Variants in PCDHB11 observed in about 807,000 individuals in gnomAD.
PCDHB11 encodes protocadherin beta 11, also known as protocadherin beta-11.
For synonymous variants in PCDHB11, 522 were observed against 442.0 expected, an observed-to-expected ratio of 1.18 and a Z score of -2.27; for missense variants, 1,151 against 1,003.4, an observed-to-expected ratio of 1.15 and a Z score of -1.99.
At position 141,200,033 on chromosome 5, in the gene PCDHB11, A is replaced by T. The variant is rs782560260; in HGVS notation, c.259A>T (p.Ser87Cys). 1.7e-5 allele frequency: 27 copies of T among 1,614,066 alleles called. 1 individual carries two copies. In the Admixed American group the frequency reaches 4.3e-4, roughly 26 times the overall value. Residue 87 changes from serine (S) to cysteine (C), a missense_variant, in exon 1 of 1, where the codon AGT (serine) becomes TGT (cysteine). Physicochemically the swap from Ser to Cys is moderately radical, Grantham distance 112 (BLOSUM62 -1). Transcript: ENST00000354757. ...CATAAACACTGGGGATTTGCTCTTA[A>T]GTGAAACACTAGACAGGGAGGAGCT... Reference protein sequence around the residue: ...LDINTGDLLLSETLDREELCG... With the variant: ...LDINTGDLLLCETLDREELCG...
At position 141,202,272 on chromosome 5, in the gene PCDHB11, G is replaced by C. The variant is rs1269104596; in HGVS notation, c.*104G>C. ...ACGTTATTATGCAATACGACTAATT[G>C]TATTTTTAATTTTTTCTTTTCTCCC... On this transcript the variant is annotated 3_prime_UTR_variant, in exon 1 of 1. Transcript: ENST00000354757. 9.8e-7 allele frequency: 1 copy of C among 1,016,692 alleles called. No homozygotes were observed. Among genetic ancestry groups the C allele is most frequent in the African/African-American group, 1.7e-5 (1 of 59,694 alleles). 63.0% of individuals were successfully genotyped at this position (1,016,692 alleles called of 1,614,324 possible).
Position 141,199,675 on chromosome 5 carries a change from AG to A in PCDHB11, c.-97del, listed in dbSNP as rs1754114808. ...GAGGGTGACCTGGAAACCATTCAACAGGGTTAAAATCCTTAGACCACAGAGG... is the reference window on the plus strand; with the variant it reads ...GAGGGTGACCTGGAAACCATTCAACAGGTTAAAATCCTTAGACCACAGAGG... On this transcript the variant is annotated 5_prime_UTR_variant, in exon 1 of 1. Coordinates refer to ENST00000354757, the MANE Select transcript of PCDHB11 (RefSeq NM_018931.3). 3 of 1,039,140 alleles carry A rather than the reference AG, an allele frequency of 2.9e-6. No homozygotes were observed. The African/African-American group carries it at 4.8e-5, about 17-fold the overall frequency. The allele number at this position is 1,039,140 out of a possible 1,614,324, so 64.4% of individuals were successfully genotyped here. A position where few individuals can be genotyped will look rare whatever the true frequency, so the allele number is the denominator to read the frequency against.
In PCDHB11 at chr5:141,200,393, G is replaced by A. The variant is rs1361541083; in HGVS notation, c.619G>A (p.Glu207Lys). The A allele has an allele frequency of 3.1e-6, 5 of 1,614,028 alleles. No individual in the cohort carries two copies. The Admixed American group carries it at 6.7e-5, about 22-fold the overall frequency. Residue 207 changes from glutamate (E) to lysine (K), a missense_variant, in exon 1 of 1, where the codon GAG (glutamate) becomes AAG (lysine). Coordinates refer to ENST00000354757, the MANE Select transcript of PCDHB11 (RefSeq NM_018931.3). Reference protein sequence around the residue: ...DKALDYEELPELSFILSALDG... With the variant: ...DKALDYEELPKLSFILSALDG... ...GGCGCTGGATTATGAAGAGCTCCCGGAGCTCAGTTTCATCCTCTCTGCTCT... is the reference window on the plus strand; with the variant it reads ...GGCGCTGGATTATGAAGAGCTCCCGAAGCTCAGTTTCATCCTCTCTGCTCT...
rs530884861 is a variant in PCDHB11 at position 141,201,286 on chromosome 5, C to T, written c.1512C>T (p.Val504=). 14 of 1,613,620 alleles carry T rather than the reference C, an allele frequency of 8.7e-6. No homozygotes were observed. The South Asian group carries it at 1.5e-4, about 18-fold the overall frequency. The change falls in exon 1 of 1, where the codon GTC becomes GTT. Residue 504 remains valine, a synonymous_variant. Transcript: ENST00000354757. ...QDLHLPLASL[V]SINTDNGHLF... ...TGCACCTGCCCCTCGCCTCCCTGGT[C>T]TCCATCAACACAGACAACGGCCACC...
Position 141,202,160 on chromosome 5 carries a change from A to C in PCDHB11, c.2386A>C (p.Asn796His), listed in dbSNP as rs114969000. 6.3e-7 allele frequency: 1 copy of C among 1,598,144 alleles called. No individual in the cohort carries two copies. The highest frequency in any genetic ancestry group is 2.2e-5 in the East Asian group (1 of 44,668). ...NSTFRNSFGF[N>H]F ...CACCTTTCGAAATAGCTTTGGATTT[A>C]ATTTTTAGTAAGAATGCTATTTACA... Residue 796 changes from asparagine to histidine, a missense_variant, in exon 1 of 1, where the codon AAT becomes CAT. By Grantham distance (68) the Asn-to-His change is moderately conservative. Coordinates refer to ENST00000354757, the MANE Select transcript of PCDHB11 (RefSeq NM_018931.3).
Position 141,201,176 on chromosome 5 carries a change from C to T in PCDHB11, c.1402C>T (p.Leu468=), listed in dbSNP as rs782326496. 6.2e-7 allele frequency: 1 copy of T among 1,613,600 alleles called. No individual in the cohort carries two copies. The highest frequency in any genetic ancestry group is 1.3e-5 in the African/African-American group (1 of 75,046). Residue 468 remains leucine (L), a synonymous_variant, in exon 1 of 1, where the codon CTG becomes TTG. Coordinates refer to ENST00000354757, the MANE Select transcript of PCDHB11 (RefSeq NM_018931.3). ...CGTCCGCGAGAACAACAGCCCCGCC[C>T]TGCACATCGGCAGTGTCAGCGCTAC... The part of the protein sequence containing the change: ...LFVRENNSPA[L]HIGSVSATDR...
rs782566166 is a variant in PCDHB11, at chr5:141,201,211, C to T, written c.1437C>T (p.Asp479=). 6.2e-7 allele frequency: 1 copy of T among 1,613,278 alleles called. No individual in the cohort carries two copies. Among genetic ancestry groups the T allele is most frequent in the African/African-American group, 1.3e-5 (1 of 75,028 alleles). Residue 479 remains aspartate (D), a synonymous_variant, in exon 1 of 1, where the codon GAC becomes GAT. Transcript: ENST00000354757. ...HIGSVSATDR[D]SGTNAQVNYS... ...GCAGTGTCAGCGCTACAGACAGAGA[C>T]TCAGGCACCAACGCCCAGGTCAACT... is the stretch of plus-strand genomic sequence containing the variant.
chr5:141,199,768 A>G lies in PCDHB11; in HGVS notation c.-7A>G, dbSNP rs1400718261. 1.6e-5 allele frequency: 25 copies of G among 1,609,832 alleles called. No individual in the cohort carries two copies. Among genetic ancestry groups the G allele is most frequent in the Non-Finnish European group, 2.1e-5 (25 of 1,177,524 alleles). ...CCTTTCTTCAAGAAGCCTACAAGAA[A>G]GGAACTATGGAGAACCAAGGGACAC... On this transcript the variant is annotated 5_prime_UTR_variant, in exon 1 of 1. Coordinates refer to ENST00000354757, the MANE Select transcript of PCDHB11 (RefSeq NM_018931.3).
At position 141,201,781 on chromosome 5, in the gene PCDHB11, C is replaced by G. The variant is rs1754201158; in HGVS notation, c.2007C>G (p.Pro669=). ...TCCTGGTGGACGGCTTCTCCCAGCC[C>G]TACCTGCCGCTCCCTGAGGCGGCAC... ...QVLLVDGFSQ[P]YLPLPEAAPA... Residue 669 remains proline, a synonymous_variant, in exon 1 of 1, where the codon CCC becomes CCG. Coordinates refer to ENST00000354757, the MANE Select transcript of PCDHB11 (RefSeq NM_018931.3). 2.5e-6 allele frequency: 4 copies of G among 1,609,616 alleles called. No individual in the cohort carries two copies. In the Admixed American group the frequency reaches 6.7e-5, roughly 27 times the overall value.
chr5:141,202,923 C>T lies in PCDHB11; in HGVS notation c.*755C>T, dbSNP rs1554285957. Reference sequence around the variant, plus strand: ...GCCTATTTTCAATTTTCAAGTATTGCATATCATTGTGAATAACATTGTAAA... The same window carrying T: ...GCCTATTTTCAATTTTCAAGTATTGTATATCATTGTGAATAACATTGTAAA... On this transcript the variant is annotated 3_prime_UTR_variant, in exon 1 of 1. Transcript: ENST00000354757. The T allele has an allele frequency of 6.6e-6, 1 of 151,858 alleles. No individual in the cohort carries two copies. The highest frequency in any genetic ancestry group is 2.4e-5 in the African/African-American group (1 of 41,316). The allele number at this position is 151,858 out of a possible 1,614,324, so 9.4% of individuals were successfully genotyped here.
Position 141,200,131 on chromosome 5 carries a change from T to C in PCDHB11, c.357T>C (p.Ile119=), listed in dbSNP as rs782346201. ...LMQNPTQFLQ[I]ELQVRDINDH... ...AAAACCCCACGCAGTTTTTACAAAT[T>C]GAGCTTCAGGTCAGGGATATAAATG... Residue 119 remains isoleucine, a synonymous_variant, in exon 1 of 1, where the codon ATT becomes ATC. Coordinates refer to ENST00000354757, the MANE Select transcript of PCDHB11 (RefSeq NM_018931.3). 7.4e-6 allele frequency: 12 copies of C among 1,614,150 alleles called. No homozygotes were observed. In the East Asian group the frequency reaches 2.0e-4, roughly 27 times the overall value.
In PCDHB11 at chr5:141,200,168, A is replaced by C; in HGVS notation, c.394A>C (p.Ile132Leu). 6.2e-7 allele frequency: 1 copy of C among 1,614,168 alleles called. No individual in the cohort carries two copies. Among genetic ancestry groups the C allele is most frequent in the Non-Finnish European group, 8.5e-7 (1 of 1,180,032 alleles). The change falls in exon 1 of 1, where the codon ATC (isoleucine) becomes CTC (leucine). Residue 132 changes from isoleucine (I) to leucine (L), a missense_variant. Physicochemically the swap from Ile to Leu is conservative, Grantham distance 5 (BLOSUM62 2). Coordinates refer to ENST00000354757, the MANE Select transcript of PCDHB11 (RefSeq NM_018931.3). ...CAGGGATATAAATGATCACTCTCCC[A>C]TCTTCTCGGAAAAACAAATGCTCCT... ...QVRDINDHSP[I>L]FSEKQMLLEI...
At position 141,201,239 on chromosome 5, in the gene PCDHB11, T is replaced by C. The variant is rs782009255; in HGVS notation, c.1465T>C (p.Ser489Pro). ...AGGCACCAACGCCCAGGTCAACTAC[T>C]CGCTACTCCCGCCCCAGGACCTGCA... ...DSGTNAQVNY[S>P]LLPPQDLHLP... The change falls in exon 1 of 1, where the codon TCG becomes CCG. Residue 489 changes from serine (S) to proline (P), a missense_variant. By Grantham distance (74) the Ser-to-Pro change is moderately conservative (BLOSUM62 -1). Coordinates refer to ENST00000354757, the MANE Select transcript of PCDHB11 (RefSeq NM_018931.3). 1 of 1,613,222 alleles carries C rather than the reference T, an allele frequency of 6.2e-7. No homozygotes were observed. Among genetic ancestry groups the C allele is most frequent in the Non-Finnish European group, 8.5e-7 (1 of 1,180,040 alleles).
rs1389494008 is a variant in PCDHB11, at chr5:141,201,305, G to C, written c.1531G>C (p.Gly511Arg). ...CCTGGTCTCCATCAACACAGACAACGGCCACCTGTTCGCCCTCAGGTCGCT... is the reference window on the plus strand; with the variant it reads ...CCTGGTCTCCATCAACACAGACAACCGCCACCTGTTCGCCCTCAGGTCGCT... ...ASLVSINTDN[G>R]HLFALRSLDY... is the part of the protein sequence containing the mutation. The change falls in exon 1 of 1, where the codon GGC becomes CGC. Residue 511 changes from glycine (G) to arginine (R), a missense_variant. Gly to Arg is a moderately radical substitution (Grantham distance 125). Transcript: ENST00000354757. The C allele has an allele frequency of 1.9e-6, 3 of 1,613,588 alleles. No homozygotes were observed. In the East Asian group the frequency reaches 6.7e-5, roughly 36 times the overall value.
chr5:141,200,232 T>C lies in PCDHB11; in HGVS notation c.458T>C (p.Leu153Ser), dbSNP rs1754136146. The C allele has an allele frequency of 1.9e-6, 3 of 1,614,168 alleles. No homozygotes were observed. The highest frequency in any genetic ancestry group is 1.7e-6 in the Non-Finnish European group (2 of 1,180,034). Residue 153 changes from leucine to serine, a missense_variant, in exon 1 of 1, where the codon TTA (leucine) becomes TCA (serine). By Grantham distance (145) the Leu-to-Ser change is moderately radical (BLOSUM62 -2). Coordinates refer to ENST00000354757, the MANE Select transcript of PCDHB11 (RefSeq NM_018931.3). ...AACAGTCCCGTTGGTGCTGTGTTCT[T>C]ACTAGAAAGTGCGAAGGATTTAGAT... is the stretch of plus-strand genomic sequence containing the variant. ...PENSPVGAVF[L>S]LESAKDLDVG...
rs979057871 is a variant in PCDHB11 at position 141,203,661 on chromosome 5, C to T, written c.*1493C>T. ...TCTTAAATATACTACACTTACTTGG[C>T]TAATATTTTTAATGCTTTTGTGTGT... On this transcript the variant is annotated 3_prime_UTR_variant, in exon 1 of 1. Transcript: ENST00000354757. 2.6e-5 allele frequency: 4 copies of T among 151,020 alleles called. No homozygotes were observed. Among genetic ancestry groups the T allele is most frequent in the African/African-American group, 9.7e-5 (4 of 41,136 alleles). 9.4% of individuals were successfully genotyped at this position (151,020 alleles called of 1,614,324 possible).
Position 141,201,518 on chromosome 5 carries a change from C to G in PCDHB11, c.1744C>G (p.Pro582Ala). The change falls in exon 1 of 1, where the codon CCG becomes GCG. Residue 582 changes from proline to alanine, a missense_variant. Transcript: ENST00000354757. ...CTELVPRAAEPGYLVTKVVAV... is the reference protein window; with the variant it reads ...CTELVPRAAEAGYLVTKVVAV... ...CGAGCTGGTGCCCCGGGCGGCCGAG[C>G]CGGGCTACCTGGTGACCAAGGTGGT... 1.2e-6 allele frequency: 2 copies of G among 1,608,734 alleles called. No individual in the cohort carries two copies. The highest frequency in any genetic ancestry group is 8.5e-7 in the Non-Finnish European group (1 of 1,178,834).
chr5:141,202,301 A>ATTTTTT lies in PCDHB11; in HGVS notation c.*144_*149dup. 4.5e-6 allele frequency: 3 copies of ATTTTTT among 671,416 alleles called. No homozygotes were observed. The highest frequency in any genetic ancestry group is 4.6e-4 in the Middle Eastern group (1 of 2,174). The allele number at this position is 671,416 out of a possible 1,614,324, so 41.6% of individuals were successfully genotyped here. On this transcript the variant is annotated 3_prime_UTR_variant, in exon 1 of 1. Coordinates refer to ENST00000354757, the MANE Select transcript of PCDHB11 (RefSeq NM_018931.3). ...TTTTAATTTTTTCTTTTCTCCCCCA[A>ATTTTTT]TTTTTTTTTTTTTTTTGAGACCGAG...
chr5:141,199,820 C>T lies in PCDHB11; in HGVS notation c.46C>T (p.Leu16Phe), dbSNP rs1554285151. 2.5e-6 allele frequency: 4 copies of T among 1,614,188 alleles called. No individual in the cohort carries two copies. The highest frequency in any genetic ancestry group is 3.4e-6 in the Non-Finnish European group (4 of 1,180,042). The change falls in exon 1 of 1, where the codon CTT becomes TTT. Residue 16 changes from leucine (L) to phenylalanine (F), a missense_variant. By Grantham distance (22) the Leu-to-Phe change is conservative. Coordinates refer to ENST00000354757, the MANE Select transcript of PCDHB11 (RefSeq NM_018931.3). The part of the protein sequence containing the change: ...TRTQQIRQVL[L>F]LFVLLGMSQA... ...CACTCAGCAGATAAGGCAAGTCCTG[C>T]TTCTCTTTGTTTTGCTCGGAATGTC...
Sources: allele counts gnomAD v4.1 joint callset, GRCh38; gene constraint gnomAD v4.1.1; transcripts MANE v1.5; gene names NCBI Gene and HGNC (gene_info 2026-07-23, HGNC 2026-07-21).